The following OR52N4 variants were observed in gnomAD, a reference collection of about 807,000 sequenced individuals.
OR52N4 encodes the protein olfactory receptor 52N4.
Under a neutral mutation model 15.0 loss-of-function variants are expected in OR52N4, and 15 were observed. That is an observed-to-expected ratio of 1.00 (90% confidence interval 0.67 to 1.54). The LOEUF is 1.54. Among genes scored for constraint, OR52N4 ranks in the 40% most tolerant of loss-of-function variants. The probability of loss-of-function intolerance (pLI) is 0.00; values close to 1 mark genes in which losing one functional copy is unlikely to be tolerated. For missense variants in OR52N4, 421 were observed against 394.0 expected (o/e 1.07, Z -0.58); for synonymous variants, 143 against 143.7 (o/e 1.00, Z 0.03).
the OR52N4 span, among the ~76,000 whole-genome samples, chr11:5,727,822 C>G: frequency 6.6e-6 from 1 of 152,256 alleles, no homozygotes; most frequent in African/African-American, 2.4e-5. Flanking sequence ...TAATTTCATA[C>G]CTTAGGATAT....
At chr11:5,736,637 G>C in the OR52N4 span, 1 of 1,613,950 alleles carries the variant, frequency 6.2e-7, no homozygotes, top group South Asian at 1.1e-5. Context: ...TCTGCCCCTG[G>C]CACTACTGTA....
At chr11:5,753,988 CAAAAAA>C (rs60504408), upstream of OR52N4, among the ~76,000 whole-genome samples, 3 of 79,666 alleles carry the variant, frequency 3.8e-5, no homozygotes, top group African/African-American at 5.1e-5. Context: ...GACTCTGCCT[CAAAAAA>C]AAAAAAAAAA....
the OR52N4 span, chr11:5,736,848 A>G: frequency 3.7e-6 from 6 of 1,613,804 alleles, no homozygotes; most frequent in Non-Finnish European, 5.1e-6. Context: ...GCTCAGATTT[A>G]TGCCATTCAC....
chr11:5,742,735 G>A, the OR52N4 span, among the ~76,000 whole-genome samples: 1 of 152,060 alleles, frequency 6.6e-6, no homozygotes, highest in African/African-American at 2.4e-5. Context: ...AGTTCACAAA[G>A]GAGTTCTAAA....
chr11:5,731,933 T>A, the OR52N4 span, among the ~76,000 whole-genome samples: 1 of 152,214 alleles, frequency 6.6e-6, no homozygotes, highest in Admixed American at 6.5e-5. Context: ...GACTAATATA[T>A]ATAAGGGATG....
chr11:5,733,412 C>T, the OR52N4 span, among the ~76,000 whole-genome samples: 10 of 152,100 alleles, frequency 6.6e-5, no homozygotes, highest in Non-Finnish European at 1.3e-4. Flanking sequence ...TCAAAGATTC[C>T]TGGATAAAAA....
the OR52N4 span, among the ~76,000 whole-genome samples, chr11:5,735,242 GAGTA>G: frequency 6.6e-6 from 1 of 152,022 alleles, no homozygotes; most frequent in Non-Finnish European, 1.5e-5. Flanking sequence ...TTTTAGCATA[GAGTA>G]AGTATTATAT....
chr11:5,733,518 AC>A, the OR52N4 span, among the ~76,000 whole-genome samples: 1 of 152,254 alleles, frequency 6.6e-6, no homozygotes. Context: ...ATCCTCTCTG[AC>A]AACAAGAGAT....
the OR52N4 span, chr11:5,737,388 TC>T: frequency 1.2e-6 from 2 of 1,613,950 alleles, no homozygotes; most frequent in Non-Finnish European, 1.7e-6. Context: ...CACAACATCA[TC>T]CCCCCTTCCC....
the OR52N4 span, among the ~76,000 whole-genome samples, chr11:5,745,009 A>T: frequency 3.3e-5 from 5 of 152,210 alleles, no homozygotes; most frequent in Admixed American, 6.5e-5. Flanking sequence ...TTCATGATAA[A>T]AACTGTTAAC....
At chr11:5,737,172 A>G in the OR52N4 span, 2 of 1,613,940 alleles carry the variant, frequency 1.2e-6, no homozygotes, top group Middle Eastern at 3.3e-4. Context: ...ATGGGGAGTG[A>G]TCTAAGTCTT....
Position 5,755,151 on chromosome 11 carries a change from C to G in OR52N4, c.411C>G (p.Ile137Met), listed in dbSNP as rs1854277195. The G allele has an allele frequency of 1.2e-6, 2 of 1,614,060 alleles. No individual in the cohort carries two copies. Among genetic ancestry groups the G allele is most frequent in the Non-Finnish European group, 1.7e-6 (2 of 1,179,996 alleles). The change falls in exon 2 of 2, where the codon ATC becomes ATG. Residue 137 changes from isoleucine to methionine, a missense_variant. Ile to Met is a conservative substitution (Grantham distance 10). Transcript: ENST00000641350. The part of the protein sequence containing the change: ...AICYPLRYST[I>M]LTNPVIAKVG... Reference sequence around the variant, plus strand: ...GCTACCCCTTACGCTATTCAACTATCCTCACCAATCCTGTAATTGCAAAGG... The same window carrying G: ...GCTACCCCTTACGCTATTCAACTATGCTCACCAATCCTGTAATTGCAAAGG...
chr11:5,736,663 T>G, the OR52N4 span: 7 of 1,614,022 alleles, frequency 4.3e-6, no homozygotes, highest in Non-Finnish European at 5.9e-6. Context: ...CAGCACTTGC[T>G]GCAAACACCC....
At chr11:5,748,969 C>T in the OR52N4 span, among the ~76,000 whole-genome samples, 1 of 152,092 alleles carries the variant, frequency 6.6e-6, no homozygotes, top group African/African-American at 2.4e-5. Flanking sequence ...TTCTCCTCTT[C>T]CCATAGAGGT....
At chr11:5,729,137 T>TTTTTTG in the OR52N4 span, among the ~76,000 whole-genome samples, 1 of 146,886 alleles carries the variant, frequency 6.8e-6, no homozygotes, top group Admixed American at 6.8e-5. Context: ...TTTTTTTTTT[T>TTTTTTG]GAGGCAGAGT....
chr11:5,738,838 A>G, the OR52N4 span, among the ~76,000 whole-genome samples: 7 of 151,184 alleles, frequency 4.6e-5, 2 homozygotes, highest in South Asian at 4.2e-4. Context: ...TTGTATTTCA[A>G]TCTTTTCCAG....
the OR52N4 span, chr11:5,736,490 A>C: frequency 3.1e-6 from 5 of 1,607,866 alleles, no homozygotes; most frequent in East Asian, 1.1e-4. Flanking sequence ...AACAATACAA[A>C]TAGAGATTTG....
chr11:5,730,421 G>A, the OR52N4 span, among the ~76,000 whole-genome samples: 1 of 151,750 alleles, frequency 6.6e-6, no homozygotes, highest in Non-Finnish European at 1.5e-5. Context: ...TCGATCTTCT[G>A]ACCTCGTGAT....
the OR52N4 span, among the ~76,000 whole-genome samples, chr11:5,744,312 G>C: frequency 6.6e-6 from 1 of 152,112 alleles, no homozygotes; most frequent in African/African-American, 2.4e-5. Context: ...TACTGACACT[G>C]TTTCAAAAAA....
Sources: allele counts gnomAD v4.1 joint callset (sites outside exome capture counted in the v4.1 genomes callset), GRCh38; gene constraint gnomAD v4.1.1; transcripts MANE v1.5; gene names NCBI Gene and HGNC (gene_info 2026-07-23, HGNC 2026-07-21).